FRAS1: variants seen among roughly 807,000 people sequenced by gnomAD.
FRAS1 encodes Fraser extracellular matrix complex subunit 1.
FRAS1 carries 290 observed loss-of-function variants against 435.2 expected under a neutral mutation model. The observed-to-expected ratio is 0.67, with a 90% CI of 0.61 to 0.73. FRAS1 has a LOEUF of 0.73. FRAS1 is among the 30% of genes least tolerant of loss of function. The pLI, the probability that FRAS1 is intolerant of heterozygous loss-of-function variation, is 0.00. For synonymous variants in FRAS1, 1,800 were observed against 1,851.0 expected (o/e 0.97, Z 0.71); for missense variants, 4,860 against 5,001.5 (o/e 0.97, Z 0.85).
intron 2 of FRAS1, among the ~76,000 whole-genome samples, chr4:78,218,763 A>G (rs536288779): frequency 3.5e-4 from 53 of 152,348 alleles, no homozygotes; most frequent in African/African-American, 1.3e-3. Context: ...CCTGTGGGAG[A>G]GGACAAGAAA....
intron 15 of FRAS1, among the ~76,000 whole-genome samples, chr4:78,310,090 A>G (rs1351769437): frequency 1.3e-5 from 2 of 152,204 alleles, no homozygotes; most frequent in African/African-American, 4.8e-5. Context: ...TCTTGGTATC[A>G]ATGAGTCACA....
At chr4:78,276,123 T>C (rs1032573643) in intron 9 of FRAS1, among the ~76,000 whole-genome samples, 2 of 152,254 alleles carry the variant, frequency 1.3e-5, no homozygotes, top group Non-Finnish European at 2.9e-5. Context: ...CTGAAGCTTG[T>C]GCATTCATCA....
rs1189892302 is a variant in FRAS1 at position 78,286,415 on chromosome 4, C to T, written c.1410C>T (p.Pro470=). The change falls in exon 14 of 74, where the codon CCC becomes CCT. Residue 470 remains proline (P), a synonymous_variant. Coordinates refer to ENST00000512123, the MANE Select transcript of FRAS1 (RefSeq NM_025074.7). The part of the protein sequence containing the change: ...QAGSLCLACQ[P]QCSTCTSGLE... ...ATTATCTGGAGTCAGCCTGCCAGCCCCAGTGCTCCACGTGTACCAGTGGGC... is the reference window on the plus strand; with the variant it reads ...ATTATCTGGAGTCAGCCTGCCAGCCTCAGTGCTCCACGTGTACCAGTGGGC... 5 of 1,613,542 alleles carry T rather than the reference C, an allele frequency of 3.1e-6. No individual in the cohort carries two copies. The highest frequency in any genetic ancestry group is 3.4e-6 in the Non-Finnish European group (4 of 1,179,886).
chr4:78,508,722 C>G lies in FRAS1; in HGVS notation c.9505-9C>G. ...CAACCTGAACTGAAGCTTTGTTGCT[C>G]TTTCGCAGGTGGTCACACTTGCTGA... is the stretch of plus-strand genomic sequence containing the variant. On this transcript the variant is annotated splice_polypyrimidine_tract_variant and intron_variant, in intron 62 of 73. Transcript: ENST00000512123. The G allele has an allele frequency of 1.9e-6, 3 of 1,613,514 alleles. No homozygotes were observed. The highest frequency in any genetic ancestry group is 2.5e-6 in the Non-Finnish European group (3 of 1,179,668).
intron 58 of FRAS1, among the ~76,000 whole-genome samples, chr4:78,483,145 G>A (rs1406283930): frequency 6.6e-6 from 1 of 152,216 alleles, no homozygotes; most frequent in East Asian, 1.9e-4. Flanking sequence ...CAAGTTCTGA[G>A]AGGCATTGTG....
intron 70 of FRAS1, among the ~76,000 whole-genome samples, chr4:78,527,699 G>A (rs752788722): frequency 3.9e-5 from 6 of 152,274 alleles, no homozygotes; most frequent in African/African-American, 7.2e-5. Flanking sequence ...AGAGAGAGGC[G>A]AGAAAGTAGA....
chr4:78,130,125 C>T (rs1719611216), intron 2 of FRAS1, among the ~76,000 whole-genome samples: 1 of 152,176 alleles, frequency 6.6e-6, no homozygotes, highest in South Asian at 2.1e-4. Flanking sequence ...TCTCTCCTTG[C>T]TCTTCCTCTC....
At chr4:78,457,612 C>A (rs1404138881) in intron 47 of FRAS1, among the ~76,000 whole-genome samples, 1 of 152,220 alleles carries the variant, frequency 6.6e-6, no homozygotes, top group South Asian at 2.1e-4. Flanking sequence ...AAAATCCTTT[C>A]ATCAGCTATT....
Position 78,318,950 on chromosome 4 carries a change from G to T in FRAS1, c.2101G>T (p.Ala701Ser). The T allele has an allele frequency of 1.2e-6, 2 of 1,613,538 alleles. No individual in the cohort carries two copies. The highest frequency in any genetic ancestry group is 1.7e-6 in the Non-Finnish European group (2 of 1,179,734). The stretch of plus-strand genomic sequence containing the variant: ...TGGCGAGTGTCTAGCCCAGTGTAGA[G>T]CCCATTTTTACTTGGAGAGCACTGG... ...PSGECLAQCR[A>S]HFYLESTGIC... Residue 701 changes from alanine (A) to serine (S), a missense_variant, in exon 18 of 74, where the codon GCC becomes TCC. Transcript: ENST00000512123.
intron 20 of FRAS1, among the ~76,000 whole-genome samples, chr4:78,338,793 G>A (rs909646873): frequency 6.6e-6 from 1 of 152,240 alleles, no homozygotes; most frequent in Admixed American, 6.5e-5. Context: ...TCGGTCTGGT[G>A]GATTGAGGGT....
intron 26 of FRAS1, among the ~76,000 whole-genome samples, chr4:78,377,526 G>A (rs564553067): frequency 2.0e-5 from 3 of 152,268 alleles, no homozygotes; most frequent in African/African-American, 4.8e-5. Flanking sequence ...TGCAGGAGAC[G>A]GGATAAATTC....
At position 78,481,895 on chromosome 4, in the gene FRAS1, T is replaced by C; in HGVS notation, c.8535T>C (p.Ser2845=). Residue 2845 remains serine, a synonymous_variant, in exon 57 of 74, where the codon TCT becomes TCC. Coordinates refer to ENST00000512123, the MANE Select transcript of FRAS1 (RefSeq NM_025074.7). ...CAACGCGGCCCTCAGACCCAGCTTCTGCCACACCAGGAGTTGACTACGTTC... is the reference window on the plus strand; with the variant it reads ...CAACGCGGCCCTCAGACCCAGCTTCCGCCACACCAGGAGTTGACTACGTTC... ...WCATRPSDPA[S]ATPGVDYVPS... 2 of 1,613,886 alleles carry C rather than the reference T, an allele frequency of 1.2e-6. 1 individual carries two copies. Among genetic ancestry groups the C allele is most frequent in the South Asian group, 2.2e-5 (2 of 91,074 alleles).
intron 31 of FRAS1, among the ~76,000 whole-genome samples, chr4:78,408,130 A>T (rs1355375772): frequency 6.6e-6 from 1 of 152,212 alleles, no homozygotes; most frequent in Non-Finnish European, 1.5e-5. Context: ...ATGAGAGCCA[A>T]GTGAAAAGGG....
chr4:78,341,646 G>T (rs187038525), intron 20 of FRAS1, among the ~76,000 whole-genome samples: 8 of 152,174 alleles, frequency 5.3e-5, no homozygotes, highest in Admixed American at 3.9e-4. Flanking sequence ...AGCAACAGAG[G>T]TTGGTGCTCC....
In FRAS1 at chr4:78,387,600, G is replaced by A; in HGVS notation, c.3874G>A (p.Ala1292Thr). The A allele has an allele frequency of 6.2e-7, 1 of 1,613,572 alleles. No individual in the cohort carries two copies. The highest frequency in any genetic ancestry group is 1.1e-5 in the South Asian group (1 of 90,996). Residue 1292 changes from alanine to threonine, a missense_variant, in exon 29 of 74, where the codon GCT becomes ACT. Ala to Thr is a moderately conservative substitution (Grantham distance 58). Transcript: ENST00000512123. ...ACTCTCTAGAGGCCTTCTCCACTAT[G>A]CTCATGATGGTTCAGACAGCACATC... ...DELSRGLLHY[A>T]HDGSDSTSDV... is the part of the protein sequence containing the mutation.
intron 59 of FRAS1, among the ~76,000 whole-genome samples, chr4:78,491,142 T>C (rs1387309049): frequency 6.6e-6 from 1 of 151,926 alleles, no homozygotes; most frequent in East Asian, 1.9e-4. Context: ...CAGTAACAAG[T>C]TCTGAAATTG....
In FRAS1 at chr4:78,519,392, A is replaced by G. The variant is rs766310018; in HGVS notation, c.10451A>G (p.Tyr3484Cys). ...GTGCCTCTATATGTGTCCTACATCTATGTGACAGCCCCCAGGGGCTGGGCC... is the reference window on the plus strand; with the variant it reads ...GTGCCTCTATATGTGTCCTACATCTGTGTGACAGCCCCCAGGGGCTGGGCC... ...VHVPLYVSYI[Y>C]VTAPRGWASL... Residue 3484 changes from tyrosine (Y) to cysteine (C), a missense_variant, in exon 67 of 74, where the codon TAT becomes TGT. Coordinates refer to ENST00000512123, the MANE Select transcript of FRAS1 (RefSeq NM_025074.7). 1.9e-6 allele frequency: 3 copies of G among 1,609,984 alleles called. No homozygotes were observed. The highest frequency in any genetic ancestry group is 8.5e-7 in the Non-Finnish European group (1 of 1,178,604).
Position 78,429,158 on chromosome 4 carries a change from A to G in FRAS1, c.4775A>G (p.Gln1592Arg), listed in dbSNP as rs369792008. Residue 1592 changes from glutamine to arginine, a missense_variant, in exon 36 of 74, where the codon CAG becomes CGG. Transcript: ENST00000512123. ...ACCATTCACTTACTTCCCAGTGATC[A>G]GCAACTGCCAGTGTTCCAGGTCACA... ...VLTIHLLPSD[Q>R]QLPVFQVTAP... 1.9e-6 allele frequency: 3 copies of G among 1,594,926 alleles called. No homozygotes were observed. The highest frequency in any genetic ancestry group is 2.7e-5 in the African/African-American group (2 of 74,552).
At chr4:78,401,890 A>G (rs1732908462) in intron 30 of FRAS1, among the ~76,000 whole-genome samples, 1 of 151,772 alleles carries the variant, frequency 6.6e-6, no homozygotes, top group Non-Finnish European at 1.5e-5. Flanking sequence ...ATTGAAACTA[A>G]TAGAAACTAC....
Sources: allele counts gnomAD v4.1 joint callset (sites outside exome capture counted in the v4.1 genomes callset), GRCh38; gene constraint gnomAD v4.1.1; transcripts MANE v1.5; gene names NCBI Gene and HGNC (gene_info 2026-07-23, HGNC 2026-07-21).